TNFRSF11A: variants seen among roughly 807,000 people sequenced by gnomAD.
The protein encoded by TNFRSF11A is tumor necrosis factor receptor superfamily member 11A.
In TNFRSF11A, 32 loss-of-function variants were observed where a neutral mutation model predicts 55.7. The observed-to-expected ratio is 0.57, with a 90% confidence interval of 0.43 to 0.77. TNFRSF11A has a LOEUF of 0.77. TNFRSF11A is among the 30% of genes least tolerant of loss of function. The pLI is 0.00. For synonymous variants in TNFRSF11A, 311 were observed against 331.0 expected (o/e 0.94, Z 0.65); for missense variants, 753 against 809.8 (o/e 0.93, Z 0.85).
chr18:62,369,595 G>C, intron 9 of TNFRSF11A, 111 bp downstream of exon 9: 1 of 1,384,388 alleles, frequency 7.2e-7, no homozygotes. Context: ...GAAAACCTCA[G>C]CTTGTGCTTT....
intron 1 of TNFRSF11A, among the ~76,000 whole-genome samples, chr18:62,347,818 C>T (rs1244676749): frequency 1.3e-5 from 2 of 151,666 alleles, no homozygotes; most frequent in African/African-American, 4.8e-5. Context: ...GCAGGAGAAT[C>T]GCCTGAAACC....
intron 8 of TNFRSF11A, among the ~76,000 whole-genome samples, chr18:62,367,796 T>C (rs1910206269): frequency 7.3e-6 from 1 of 136,094 alleles, no homozygotes; most frequent in African/African-American, 2.9e-5. Context: ...TTCTTTTTTT[T>C]TTTTTTTTTT....
chr18:62,348,351 C>A, intron 2 of TNFRSF11A, 102 bp downstream of exon 2: 1 of 1,033,526 alleles, frequency 9.7e-7, no homozygotes, highest in Non-Finnish European at 1.5e-6. Flanking sequence ...TGGATAGACG[C>A]GTTATGGTAG....
At position 62,383,906 on chromosome 18, in the gene TNFRSF11A, C is replaced by G. The variant is rs988957972; in HGVS notation, c.1568-845C>G. Among the ~76,000 whole-genome samples, 3 of 152,068 alleles carry G rather than the reference C, an allele frequency of 2.0e-5. No homozygotes were observed. The highest frequency in any genetic ancestry group is 7.2e-5 in the African/African-American group (3 of 41,394). Reference sequence around the variant, plus strand: ...TAATCTCTACTGAAAGCTGAGCCCACGTGGCCCCATGATCCTCCAGGGCTG... The same window carrying G: ...TAATCTCTACTGAAAGCTGAGCCCAGGTGGCCCCATGATCCTCCAGGGCTG... On this transcript the variant is annotated intron_variant, in intron 9 of 9. Transcript: ENST00000586569. This position sits in a 1 kb window ranked among gnomAD's most constrained non-coding sequence, Gnocchi z 4.2.
At position 62,342,401 on chromosome 18, in the gene TNFRSF11A, C is replaced by CAAAAAAAAAAAAAAAAAAAAA. The variant is rs371734407; in HGVS notation, c.76-5763_76-5743dup. ...TGGGTGACAGAGTGAGATTCTGTCT[C>CAAAAAAAAAAAAAAAAAAAAA]AAAAAAAAAAAAAAAAAAAAAAAAT... On this transcript the variant is annotated intron_variant, in intron 1 of 9. Coordinates refer to ENST00000586569, the MANE Select transcript of TNFRSF11A (RefSeq NM_003839.4). Among the ~76,000 whole-genome samples, 96 of 62,224 alleles carry CAAAAAAAAAAAAAAAAAAAAA rather than the reference C, an allele frequency of 1.5e-3. 12 individuals carry two copies. The highest frequency in any genetic ancestry group is 2.6e-3 in the Non-Finnish European group (75 of 29,004). 40.8% of individuals were successfully genotyped at this position (62,224 alleles called of 152,430 possible).
At chr18:62,331,210 A>T (rs2046147372) in intron 1 of TNFRSF11A, among the ~76,000 whole-genome samples, 1 of 123,546 alleles carries the variant, frequency 8.1e-6, no homozygotes, top group African/African-American at 3.2e-5. Flanking sequence ...CCCAAAGTAA[A>T]TAAATAAATA....
intron 9 of TNFRSF11A, among the ~76,000 whole-genome samples, chr18:62,379,998 A>G (rs976088310): frequency 9.9e-5 from 15 of 152,254 alleles, no homozygotes; most frequent in Non-Finnish European, 1.9e-4. Context: ...AAGTTCCCAG[A>G]GTAATGCTCC....
chr18:62,334,815 A>G (rs1164654347), intron 1 of TNFRSF11A, among the ~76,000 whole-genome samples: 1 of 152,188 alleles, frequency 6.6e-6, no homozygotes, highest in Non-Finnish European at 1.5e-5. Flanking sequence ...GTCAGTCTCA[A>G]GCTTTTACTT....
chr18:62,368,711 G>A lies in TNFRSF11A; in HGVS notation c.794G>A (p.Gly265Asp). The change falls in exon 9 of 10, where the codon GGT (glycine) becomes GAT (aspartate). Residue 265 changes from glycine (G) to aspartate (D), a missense_variant. Gly to Asp is a moderately conservative substitution (Grantham distance 94). This residue lies in a region of TNFRSF11A where 567 missense variants were observed against 596.7 expected (regional missense o/e 0.95). Coordinates refer to ENST00000586569, the MANE Select transcript of TNFRSF11A (RefSeq NM_003839.4). ...GRLSGDKESSGDSCVSTHTAN... is the reference protein window; with the variant it reads ...GRLSGDKESSDDSCVSTHTAN... ...AATGTAAATCGGCAGGAGTCCTCAGGTGACAGTTGTGTCAGTACACACACG... is the reference window on the plus strand; with the variant it reads ...AATGTAAATCGGCAGGAGTCCTCAGATGACAGTTGTGTCAGTACACACACG... 1 of 1,614,226 alleles carries A rather than the reference G, an allele frequency of 6.2e-7. No homozygotes were observed. Among genetic ancestry groups the A allele is most frequent in the South Asian group, 1.1e-5 (1 of 91,082 alleles).
At chr18:62,347,790 G>A (rs1019742144) in intron 1 of TNFRSF11A, among the ~76,000 whole-genome samples, 34 of 152,064 alleles carry the variant, frequency 2.2e-4, no homozygotes, top group Non-Finnish European at 4.1e-4. Flanking sequence ...TATAGTCCCA[G>A]CTACTTGGGA....
At chr18:62,358,724 C>T (rs571389077) in intron 5 of TNFRSF11A, among the ~76,000 whole-genome samples, 1 of 152,268 alleles carries the variant, frequency 6.6e-6, no homozygotes, top group African/African-American at 2.4e-5. Context: ...ATAGAAGCCT[C>T]CTGTTTATAT....
chr18:62,340,776 C>T (rs2046300099), intron 1 of TNFRSF11A, among the ~76,000 whole-genome samples: 1 of 152,162 alleles, frequency 6.6e-6, no homozygotes, highest in Admixed American at 6.5e-5. Context: ...TAACTTAGGA[C>T]CTCCAAGTTT....
chr18:62,353,130 C>T (rs2046497988), intron 3 of TNFRSF11A, among the ~76,000 whole-genome samples: 1 of 152,164 alleles, frequency 6.6e-6, no homozygotes, highest in Admixed American at 6.5e-5. Context: ...ACTGAATTAG[C>T]AAATCCTGAG....
chr18:62,384,670 T>G (rs534329021), intron 9 of TNFRSF11A, 81 bp from the exon 10 acceptor site: 1 of 1,539,914 alleles, frequency 6.5e-7, no homozygotes, highest in Admixed American at 1.9e-5. Flanking sequence ...CGCCCTCCAC[T>G]CCCCGGAACC....
intron 1 of TNFRSF11A, among the ~76,000 whole-genome samples, chr18:62,332,056 A>C (rs184711655): frequency 6.6e-6 from 1 of 152,210 alleles, no homozygotes; most frequent in South Asian, 2.1e-4. Context: ...TCCTCAAGCT[A>C]TCAGAAATTT....
At chr18:62,361,235 A>G (rs1909661888) in intron 6 of TNFRSF11A, among the ~76,000 whole-genome samples, 1 of 152,012 alleles carries the variant, frequency 6.6e-6, no homozygotes, top group Non-Finnish European at 1.5e-5. Context: ...CTACAGAAAT[A>G]TTTCACAGGA....
In TNFRSF11A at chr18:62,383,120, T is replaced by C. The variant is rs1266625001; in HGVS notation, c.1568-1631T>C. Among the ~76,000 whole-genome samples the C allele has an allele frequency of 6.6e-6, 1 of 152,104 alleles. No individual in the cohort carries two copies. Among genetic ancestry groups the C allele is most frequent in the South Asian group, 2.1e-4 (1 of 4,830 alleles). On this transcript the variant is annotated intron_variant, in intron 9 of 9. Coordinates refer to ENST00000586569, the MANE Select transcript of TNFRSF11A (RefSeq NM_003839.4). This position sits in a 1 kb window ranked among gnomAD's most constrained non-coding sequence, Gnocchi z 4.2. ...TGCCAACGGGCCTCCCTCATGCTAA[T>C]TGGGGGTTCTTAGACAAGTCCTGCC...
intron 9 of TNFRSF11A, among the ~76,000 whole-genome samples, chr18:62,378,856 C>T (rs1177571588): frequency 6.6e-6 from 1 of 152,230 alleles, no homozygotes; most frequent in Non-Finnish European, 1.5e-5. Flanking sequence ...TTCTAGACTC[C>T]TATTCTCTGC....
At position 62,356,037 on chromosome 18, in the gene TNFRSF11A, T is replaced by C. The variant is rs547388485; in HGVS notation, c.427+1503T>C. On this transcript the variant is annotated intron_variant, in intron 4 of 9. Transcript: ENST00000586569. ...AATTCAATTGTGTCCTTCAATTTTGTTGAAAGTAAAGGAATAGAAATCCTT... is the reference window on the plus strand; with the variant it reads ...AATTCAATTGTGTCCTTCAATTTTGCTGAAAGTAAAGGAATAGAAATCCTT... Among the ~76,000 whole-genome samples the C allele has an allele frequency of 4.9e-4, 75 of 152,356 alleles. 1 individual carries two copies. Among genetic ancestry groups the C allele is most frequent in the Admixed American group, 1.7e-3 (26 of 15,310 alleles).
Sources: gnomAD v4.1 joint callset for allele counts (sites outside exome capture counted in the v4.1 genomes callset) on GRCh38, gnomAD v4.1.1 for gene constraint, gnomAD v4.1.1 regional missense constraint, Gnocchi (gnomAD v3.1) non-coding constraint, MANE v1.5 for transcripts, NCBI Gene and HGNC (gene_info 2026-07-23, HGNC 2026-07-21) for gene names.